Variants in DOCK11 observed in about 807,000 individuals in gnomAD.
DOCK11 encodes the protein dedicator of cytokinesis protein 11.
In DOCK11, 70 loss-of-function variants were observed where a neutral mutation model predicts 169.1. The observed-to-expected ratio is 0.41, with a 90% CI of 0.34 to 0.51. DOCK11 has a LOEUF of 0.51. Ranked by LOEUF, DOCK11 falls within the 20% of genes least tolerant of loss-of-function variation. The pLI is 0.10. For missense variants in DOCK11, 1,166 were observed against 1,538.8 expected (o/e 0.76, Z 4.05); for synonymous variants, 529 against 541.3 (o/e 0.98, Z 0.32).
chrX:118,535,386 A>G (rs1413328729), intron 1 of DOCK11, among the ~76,000 whole-genome samples: 2 of 111,908 alleles, frequency 1.8e-5, no homozygotes, highest in Non-Finnish European at 3.8e-5. Flanking sequence ...ATTAGATGAG[A>G]TCATAGATAT....
chrX:118,609,334 A>G lies in DOCK11; in HGVS notation c.2934A>G (p.Glu978=). 8.4e-7 allele frequency: 1 copy of G among 1,191,375 alleles called. No homozygotes were observed. Among genetic ancestry groups the G allele is most frequent in the Non-Finnish European group, 1.1e-6 (1 of 881,048 alleles). The change falls in exon 27 of 53, where the codon GAA becomes GAG. Residue 978 remains glutamate, a synonymous_variant. Coordinates refer to ENST00000276202, the MANE Select transcript of DOCK11 (RefSeq NM_144658.4). ...IAKSMATYLL[E]ENKIKLPRGQ... ...AGTCAATGGCCACATACTTGTTGGAAGAGAATAAGATTAAGGTAAGTAAAT... is the reference window on the plus strand; with the variant it reads ...AGTCAATGGCCACATACTTGTTGGAGGAGAATAAGATTAAGGTAAGTAAAT...
At chrX:118,566,845 T>C (rs2013094520) in intron 9 of DOCK11, among the ~76,000 whole-genome samples, 192 bp downstream of exon 9, 1 of 112,541 alleles carries the variant, frequency 8.9e-6, no homozygotes, top group African/African-American at 3.2e-5. Context: ...ACTGACAGTT[T>C]GGAAAAATCT....
intron 14 of DOCK11, among the ~76,000 whole-genome samples, chrX:118,581,139 C>A (rs779195225): frequency 8.0e-5 from 9 of 112,072 alleles, no homozygotes; most frequent in Non-Finnish European, 1.3e-4. Flanking sequence ...CTCACTGGGG[C>A]TTCTGTGGAA....
chrX:118,587,826 A>G (rs1475853623), intron 16 of DOCK11, among the ~76,000 whole-genome samples: 4 of 112,028 alleles, frequency 3.6e-5, no homozygotes, highest in Admixed American at 9.5e-5. Flanking sequence ...GGAAAATGAA[A>G]TGGATTTCTT....
At chrX:118,533,350 G>A (rs1370393409) in intron 1 of DOCK11, among the ~76,000 whole-genome samples, 2 of 111,513 alleles carry the variant, frequency 1.8e-5, no homozygotes, top group Non-Finnish European at 3.8e-5. Flanking sequence ...AATATTGGTG[G>A]GCCCAAAAAA....
intron 1 of DOCK11, among the ~76,000 whole-genome samples, chrX:118,536,278 G>A (rs1268125267): frequency 4.6e-5 from 5 of 109,326 alleles, no homozygotes; most frequent in African/African-American, 1.0e-4. Flanking sequence ...CATCCTGGGC[G>A]ACAGAGTAAG....
At chrX:118,617,972 T>G (rs944106268) in intron 30 of DOCK11, among the ~76,000 whole-genome samples, 13 of 111,917 alleles carry the variant, frequency 1.2e-4, no homozygotes, top group African/African-American at 3.6e-4. Flanking sequence ...AAAATATTTG[T>G]TTTTGAGTGA....
At chrX:118,567,937 C>T in intron 9 of DOCK11, 142 bp from the exon 10 acceptor site, 3 of 288,883 alleles carry the variant, frequency 1.0e-5, no homozygotes, top group Non-Finnish European at 1.2e-5. Context: ...TCTTGCATTC[C>T]TGTTTTGTAC....
chrX:118,520,513 A>G (rs912210208), intron 1 of DOCK11, among the ~76,000 whole-genome samples: 1 of 112,740 alleles, frequency 8.9e-6, no homozygotes, highest in Non-Finnish European at 1.9e-5. Flanking sequence ...AACGGAGTAT[A>G]TTAGAAGATG....
intron 6 of DOCK11, among the ~76,000 whole-genome samples, chrX:118,555,641 A>G (rs973227109): frequency 2.7e-5 from 3 of 111,467 alleles, no homozygotes; most frequent in East Asian, 5.6e-4. Context: ...CAGGTTGCCA[A>G]CGTAGTGGTA....
At chrX:118,562,589 G>A (rs7057252) in intron 7 of DOCK11, among the ~76,000 whole-genome samples, 3,241 of 111,944 alleles carry the variant, frequency 0.029, 124 homozygotes, top group African/African-American at 0.1. Flanking sequence ...GCCTCACTGT[G>A]CTTTCTAGCC....
intron 1 of DOCK11, among the ~76,000 whole-genome samples, chrX:118,529,019 TGTCACCCA>T (rs2011447495): frequency 1.8e-5 from 2 of 108,801 alleles, no homozygotes; most frequent in Non-Finnish European, 3.8e-5. Context: ...AGTCTCGCTC[TGTCACCCA>T]GACTGGAGTA....
intron 6 of DOCK11, among the ~76,000 whole-genome samples, chrX:118,557,680 C>T (rs893008038): frequency 9.8e-5 from 9 of 92,051 alleles, no homozygotes; most frequent in South Asian, 6.7e-4. Context: ...CGGAGAATGG[C>T]GTGAACCCAG....
chrX:118,617,812 G>A (rs1486808876), intron 30 of DOCK11, among the ~76,000 whole-genome samples: 1 of 111,545 alleles, frequency 9.0e-6, no homozygotes, highest in African/African-American at 3.3e-5. Flanking sequence ...GAACCCTGGA[G>A]GCAGAGGTTG....
chrX:118,673,490 AGAACACT>A (rs1463707264), intron 46 of DOCK11, among the ~76,000 whole-genome samples: 2 of 111,841 alleles, frequency 1.8e-5, no homozygotes, highest in Non-Finnish European at 3.8e-5. Context: ...ACCAAAAAGT[AGAACACT>A]GATGCATACT....
At position 118,495,965 on chromosome X, in the gene DOCK11, C is replaced by G; in HGVS notation, c.-7C>G. On this transcript the variant is annotated 5_prime_UTR_variant, in exon 1 of 53. Transcript: ENST00000276202. Reference sequence around the variant, plus strand: ...CCGCCCGCCGAGACCCGCCCGCCGCCGCTGCCATGGCCGAAGTGCGCAAAT... The same window carrying G: ...CCGCCCGCCGAGACCCGCCCGCCGCGGCTGCCATGGCCGAAGTGCGCAAAT... 1 of 1,071,988 alleles carries G rather than the reference C, an allele frequency of 9.3e-7. No individual in the cohort carries two copies. The highest frequency in any genetic ancestry group is 1.2e-6 in the Non-Finnish European group (1 of 828,218). The allele number at this position is 1,071,988 out of a possible 1,213,427, so 88.3% of individuals were successfully genotyped here. A position where few individuals can be genotyped will look rare whatever the true frequency, so the allele number is the denominator to read the frequency against.
chrX:118,641,432 G>A (rs2015531622), intron 39 of DOCK11, 127 bp downstream of exon 39: 1 of 485,706 alleles, frequency 2.1e-6, no homozygotes, highest in African/African-American at 2.4e-5. Flanking sequence ...GTGGATGGCA[G>A]TTCTAGTTTG....
intron 44 of DOCK11, among the ~76,000 whole-genome samples, chrX:118,656,307 TTTTTAAAAAAGATTCTTC>T (rs956924051): frequency 2.9e-5 from 3 of 102,805 alleles, no homozygotes; most frequent in African/African-American, 1.0e-4. Flanking sequence ...ATAAATAAAT[TTTTTAAAAAAGATTCTTC>T]TTAAGTAAAA....
intron 31 of DOCK11, 33 bp from the exon 32 acceptor site, chrX:118,624,506 A>C: frequency 3.4e-6 from 3 of 892,437 alleles, no homozygotes; most frequent in Non-Finnish European, 4.9e-6. Context: ...TACATATTAT[A>C]TACGTATTAA....
Sources: gnomAD v4.1 joint callset for allele counts (sites outside exome capture counted in the v4.1 genomes callset) on GRCh38, gnomAD v4.1.1 for gene constraint, MANE v1.5 for transcripts, NCBI Gene and HGNC (gene_info 2026-07-23, HGNC 2026-07-21) for gene names.